The following CRMP1 variants were observed in gnomAD, a reference collection of about 807,000 sequenced individuals.
CRMP1 encodes the protein collapsin response mediator protein 1, also known as dihydropyrimidinase-related protein 1.
A neutral mutation model predicts 68.3 loss-of-function variants in CRMP1; 19 were observed. The observed-to-expected ratio is 0.28, with a 90% CI of 0.19 to 0.41. CRMP1 has a LOEUF of 0.41. Ranked by LOEUF, CRMP1 falls within the 10% of genes least tolerant of loss-of-function variation. CRMP1 has a pLI of 1.00. For missense variants in CRMP1, 791 were observed against 967.4 expected (o/e 0.82, Z 2.42); for synonymous variants, 439 against 399.6 (o/e 1.10, Z -1.18).
In CRMP1 at chr4:5,890,951, G is replaced by C. The variant is rs1385587068; in HGVS notation, c.381+1638C>G. On this transcript the variant is annotated intron_variant, in intron 1 of 13. Coordinates refer to ENST00000324989, the MANE Select transcript of CRMP1 (RefSeq NM_001014809.3). This position sits in a 1 kb window ranked among gnomAD's most constrained non-coding sequence, Gnocchi z 5.5. Reference sequence around the variant, plus strand: ...GACAGATGGAGAAGCTGAGGCCCAAGAGAGCAAAGCGCCTTGGCTGGAAAC... The same window carrying C: ...GACAGATGGAGAAGCTGAGGCCCAACAGAGCAAAGCGCCTTGGCTGGAAAC... 6.6e-6 allele frequency among the ~76,000 whole-genome samples: 1 copy of C among 152,144 alleles called. No homozygotes were observed. Among genetic ancestry groups the C allele is most frequent in the Admixed American group, 6.5e-5 (1 of 15,290 alleles).
rs1230267073 is a variant in CRMP1, at chr4:5,870,594, G to C, written c.382-3838C>G. The stretch of plus-strand genomic sequence containing the variant: ...TGCCTGGGTGACTGAACTGATTCTT[G>C]ACAGATGAATGGGTGAAGATGGAGA... On this transcript the variant is annotated intron_variant, in intron 1 of 13. Transcript: ENST00000324989. The surrounding 1 kb of genome is among the most constrained non-coding windows in gnomAD (Gnocchi z 6.0). Among the ~76,000 whole-genome samples, 1 of 152,228 alleles carries C rather than the reference G, an allele frequency of 6.6e-6. No individual in the cohort carries two copies. The highest frequency in any genetic ancestry group is 2.4e-5 in the African/African-American group (1 of 41,470).
rs1713578949 is a variant in CRMP1, at chr4:5,861,775, G to A, written c.471-565C>T. Among the ~76,000 whole-genome samples the A allele has an allele frequency of 6.6e-6, 1 of 152,174 alleles. No individual in the cohort carries two copies. The highest frequency in any genetic ancestry group is 1.5e-5 in the Non-Finnish European group (1 of 68,024). ...GGGGAAGAGGCTCAGCCAGAACCAG[G>A]AAAGGAACCCTGCAGCATCCAAGGT... On this transcript the variant is annotated intron_variant, in intron 2 of 13. Transcript: ENST00000324989. This position sits in a 1 kb window ranked among gnomAD's most constrained non-coding sequence, Gnocchi z 6.0.
rs1719349413 is a variant in CRMP1, at chr4:5,825,212, A to C, written c.1969+282T>G. The C allele has an allele frequency of 1.0e-5, 10 of 985,120 alleles. No individual in the cohort carries two copies. The South Asian group carries it at 4.2e-4, about 42-fold the overall frequency. 61.0% of individuals were successfully genotyped at this position (985,120 alleles called of 1,614,324 possible). A position where few individuals can be genotyped will look rare whatever the true frequency, so the allele number is the denominator to read the frequency against. On this transcript the variant is annotated intron_variant, in intron 13 of 13. Transcript: ENST00000324989. The surrounding 1 kb of genome is among the most constrained non-coding windows in gnomAD (Gnocchi z 4.4). Reference sequence around the variant, plus strand: ...GAGGAAGAGTGTGAAAGTGTCCCCAAATGTGTGTAAGGATGAGCACTGGGA... The same window carrying C: ...GAGGAAGAGTGTGAAAGTGTCCCCACATGTGTGTAAGGATGAGCACTGGGA...
chr4:5,823,014 T>G (rs984233764), intron 13 of CRMP1, among the ~76,000 whole-genome samples: 1 of 152,202 alleles, frequency 6.6e-6, no homozygotes, highest in African/African-American at 2.4e-5. Context: ...ACATCTGACT[T>G]TCTTTACCGA....
Position 5,888,348 on chromosome 4 carries a change from C to A in CRMP1, c.381+4241G>T. On this transcript the variant is annotated intron_variant, in intron 1 of 13. Coordinates refer to ENST00000324989, the MANE Select transcript of CRMP1 (RefSeq NM_001014809.3). This position sits in a 1 kb window ranked among gnomAD's most constrained non-coding sequence, Gnocchi z 6.4. The stretch of plus-strand genomic sequence containing the variant: ...CCGGCGCTCTCGGCCCCGCTCCCAG[C>A]GGGCGCGCTGACAAAGGCCCGGGAG... 1 of 1,232,982 alleles carries A rather than the reference C, an allele frequency of 8.1e-7. No homozygotes were observed. The highest frequency in any genetic ancestry group is 1.0e-6 in the Non-Finnish European group (1 of 984,480). The allele number at this position is 1,232,982 out of a possible 1,614,324, so 76.4% of individuals were successfully genotyped here. A position where few individuals can be genotyped will look rare whatever the true frequency, so the allele number is the denominator to read the frequency against.
chr4:5,875,545 G>A (rs1714749403), intron 1 of CRMP1, among the ~76,000 whole-genome samples: 1 of 152,200 alleles, frequency 6.6e-6, no homozygotes, highest in Non-Finnish European at 1.5e-5. Context: ...CTGTGACTAT[G>A]TCATCAAGGA....
intron 1 of CRMP1, among the ~76,000 whole-genome samples, chr4:5,873,774 G>C (rs1467136886): frequency 6.6e-6 from 1 of 152,156 alleles, no homozygotes; most frequent in East Asian, 1.9e-4. Context: ...AAGCAGCCTG[G>C]CATGCCTGGG....
At chr4:5,849,304 T>C in intron 6 of CRMP1, 88 bp downstream of exon 6, 2 of 1,045,318 alleles carry the variant, frequency 1.9e-6, no homozygotes, top group Non-Finnish European at 3.0e-6. Context: ...TTGTACAGCC[T>C]CCTCACTAAC....
rs1225072915 is a variant in CRMP1, at chr4:5,821,871, G to A, written c.1970-20C>T. The A allele has an allele frequency of 3.9e-6, 6 of 1,531,710 alleles. No individual in the cohort carries two copies. In the African/African-American group the frequency reaches 7.0e-5, roughly 18 times the overall value. 94.9% of individuals were successfully genotyped at this position (1,531,710 alleles called of 1,614,324 possible). A position where few individuals can be genotyped will look rare whatever the true frequency, so the allele number is the denominator to read the frequency against. On this transcript the variant is annotated intron_variant, in intron 13 of 13. Transcript: ENST00000324989. This position sits in a 1 kb window ranked among gnomAD's most constrained non-coding sequence, Gnocchi z 4.4. ...GGGCACCTGAAAGAGAGCGCCAATC[G>A]CTGCTGGATGGGATCTGTTAGCATC...
At chr4:5,876,506 C>A (rs1254607615) in intron 1 of CRMP1, among the ~76,000 whole-genome samples, 1 of 152,068 alleles carries the variant, frequency 6.6e-6, no homozygotes, top group Non-Finnish European at 1.5e-5. Context: ...ATGAAGAAAC[C>A]CTTTCTTTCC....
intron 6 of CRMP1, among the ~76,000 whole-genome samples, chr4:5,844,461 A>G (rs993111514): frequency 2.0e-5 from 3 of 152,176 alleles, no homozygotes; most frequent in Non-Finnish European, 4.4e-5. Context: ...CATGATGAAG[A>G]AAAACAAAGA....
rs546738328 is a variant in CRMP1 at position 5,833,356 on chromosome 4, C to T, written c.1623+2559G>A. On this transcript the variant is annotated intron_variant, in intron 11 of 13. Transcript: ENST00000324989. Reference sequence around the variant, plus strand: ...TAATTTTTTGTATTTTTAGTAGAGACAGGGTTTCACCGTTTTAGCCGGGAT... The same window carrying T: ...TAATTTTTTGTATTTTTAGTAGAGATAGGGTTTCACCGTTTTAGCCGGGAT... 1.3e-3 allele frequency among the ~76,000 whole-genome samples: 137 copies of T among 102,634 alleles called. 18 individuals carry two copies. The highest frequency in any genetic ancestry group is 5.4e-3 in the African/African-American group (131 of 24,352). 67.3% of individuals were successfully genotyped at this position (102,634 alleles called of 152,430 possible). A position where few individuals can be genotyped will look rare whatever the true frequency, so the allele number is the denominator to read the frequency against.
At position 5,850,198 on chromosome 4, in the gene CRMP1, G is replaced by A. The variant is rs952913076; in HGVS notation, c.883-726C>T. On this transcript the variant is annotated intron_variant, in intron 5 of 13. Transcript: ENST00000324989. This position sits in a 1 kb window ranked among gnomAD's most constrained non-coding sequence, Gnocchi z 4.4. ...ATGCATGCAAGACAACATCCCCTCG[G>A]ATGTCTGCTTTCCGACAGACATCCC... 2.6e-5 allele frequency among the ~76,000 whole-genome samples: 4 copies of A among 152,132 alleles called. No homozygotes were observed. The highest frequency in any genetic ancestry group is 9.7e-5 in the African/African-American group (4 of 41,436).
chr4:5,875,690 T>G (rs953742375), intron 1 of CRMP1, among the ~76,000 whole-genome samples: 2 of 151,790 alleles, frequency 1.3e-5, no homozygotes, highest in Admixed American at 1.3e-4. Flanking sequence ...TTCCAGGTAC[T>G]GTGGGTAGGT....
At position 5,838,899 on chromosome 4, in the gene CRMP1, G is replaced by C. The variant is rs985866942; in HGVS notation, c.1310+623C>G. On this transcript the variant is annotated intron_variant, in intron 9 of 13. Transcript: ENST00000324989. The surrounding 1 kb of genome is among the most constrained non-coding windows in gnomAD (Gnocchi z 4.9). The stretch of plus-strand genomic sequence containing the variant: ...TTCTGCAAGCCTCCCGGTGGGTTCT[G>C]AGCATGCGTCTCTGCTTCCAGAGCG... 6.6e-6 allele frequency among the ~76,000 whole-genome samples: 1 copy of C among 152,182 alleles called. No individual in the cohort carries two copies. Among genetic ancestry groups the C allele is most frequent in the African/African-American group, 2.4e-5 (1 of 41,440 alleles).
At position 5,845,582 on chromosome 4, in the gene CRMP1, G is replaced by C. The variant is rs184162853; in HGVS notation, c.964-2421C>G. Among the ~76,000 whole-genome samples, 881 of 152,338 alleles carry C rather than the reference G, an allele frequency of 5.8e-3. 5 individuals carry two copies. Among genetic ancestry groups the C allele is most frequent in the Admixed American group, 0.011 (166 of 15,310 alleles). On this transcript the variant is annotated intron_variant, in intron 6 of 13. Coordinates refer to ENST00000324989, the MANE Select transcript of CRMP1 (RefSeq NM_001014809.3). The stretch of plus-strand genomic sequence containing the variant: ...CCCAACCTGCCACTCACTATGGCCT[G>C]TGAGACCCTCAGCCAGAAATAGCTG...
intron 6 of CRMP1, among the ~76,000 whole-genome samples, chr4:5,847,809 TA>T (rs1325561829): frequency 6.6e-6 from 1 of 152,192 alleles, no homozygotes; most frequent in Non-Finnish European, 1.5e-5. Context: ...TCCCTATCTA[TA>T]AAATGGGAAT....
At chr4:5,839,340 C>T (rs1250279682) in intron 9 of CRMP1, among the ~76,000 whole-genome samples, 182 bp downstream of exon 9, 1 of 152,180 alleles carries the variant, frequency 6.6e-6, no homozygotes, top group African/African-American at 2.4e-5. Flanking sequence ...TCACTGGATG[C>T]CACAGATCTT....
chr4:5,828,363 A>G, intron 12 of CRMP1, 126 bp downstream of exon 12: 3 of 1,442,658 alleles, frequency 2.1e-6, no homozygotes, highest in Non-Finnish European at 2.7e-6. Context: ...CATTTAACAG[A>G]TAAGGAAACG....
Sources: gnomAD v4.1 joint callset for allele counts (sites outside exome capture counted in the v4.1 genomes callset) on GRCh38, gnomAD v4.1.1 for gene constraint, Gnocchi (gnomAD v3.1) non-coding constraint, MANE v1.5 for transcripts, NCBI Gene and HGNC (gene_info 2026-07-23, HGNC 2026-07-21) for gene names.